DRC9: variants seen among roughly 807,000 people sequenced by gnomAD.
DRC9 encodes dynein regulatory complex protein 9.
At chr3:197,950,403 C>A in the DRC9 span, 1 of 1,077,132 alleles carries the variant, frequency 9.3e-7, no homozygotes, top group Non-Finnish European at 1.2e-6. Flanking sequence ...TCCCCTGACA[C>A]CCGGAGAACG....
chr3:197,900,438 G>A, the DRC9 span, among the ~76,000 whole-genome samples: 15 of 152,030 alleles, frequency 9.9e-5, no homozygotes, highest in African/African-American at 3.6e-4. The surrounding 1 kb of genome is among the most constrained non-coding windows in gnomAD (Gnocchi z 4.7). Context: ...CAGCAGAATA[G>A]AGCACTGGGC....
chr3:197,934,737 G>A, the DRC9 span, among the ~76,000 whole-genome samples: 1 of 151,782 alleles, frequency 6.6e-6, no homozygotes, highest in Non-Finnish European at 1.5e-5. Context: ...AGGGGCCGAG[G>A]CAGGAGGATC....
At chr3:197,944,254 C>CTT in the DRC9 span, among the ~76,000 whole-genome samples, 29,352 of 143,918 alleles carry the variant, frequency 0.2, 4,081 homozygotes, top group African/African-American at 0.41. Context: ...ACAACTTACT[C>CTT]TTTTTTTTTT....
the DRC9 span, among the ~76,000 whole-genome samples, chr3:197,939,576 G>A: frequency 5.9e-5 from 9 of 152,200 alleles, no homozygotes; most frequent in South Asian, 2.1e-4. Context: ...CTACACATAC[G>A]GATTCTGAAG....
chr3:197,959,550 A>C, the DRC9 span: 3 of 152,144 alleles, frequency 2.0e-5, no homozygotes, highest in Non-Finnish European at 4.4e-5. Context: ...CCGTTGAATG[A>C]CTTCCAGCTC....
the DRC9 span, chr3:197,913,910 TTC>T: frequency 6.2e-7 from 1 of 1,614,182 alleles, no homozygotes; most frequent in South Asian, 1.1e-5. Context: ...AGTTCCTCTG[TTC>T]TGTTACACTT....
At chr3:197,937,442 G>A in the DRC9 span, among the ~76,000 whole-genome samples, 4,762 of 151,792 alleles carry the variant, frequency 0.031, 272 homozygotes, top group African/African-American at 0.11. Context: ...AGGTTGCAAG[G>A]TTGCTATCAC....
the DRC9 span, among the ~76,000 whole-genome samples, chr3:197,926,839 G>A: frequency 2.0e-5 from 3 of 152,120 alleles, no homozygotes; most frequent in African/African-American, 7.2e-5. Flanking sequence ...CCTTGCACTG[G>A]TTCTGAAGGT....
At chr3:197,960,162 C>G in the DRC9 span, 2 of 1,440,766 alleles carry the variant, frequency 1.4e-6, no homozygotes, top group Non-Finnish European at 1.9e-6. Flanking sequence ...GCTGGGCCCT[C>G]CGTCTACCCC....
At chr3:197,948,553 ACTCACACT>A in the DRC9 span, among the ~76,000 whole-genome samples, 2 of 152,182 alleles carry the variant, frequency 1.3e-5, no homozygotes, top group Non-Finnish European at 2.9e-5. Flanking sequence ...AACGAATGAA[ACTCACACT>A]TAATGTGTTA....
At chr3:197,958,056 T>G in the DRC9 span, 2 of 152,220 alleles carry the variant, frequency 1.3e-5, no homozygotes, top group East Asian at 3.8e-4. Context: ...ACTGAAGAAC[T>G]TGATTCACAG....
chr3:197,928,630 G>C, the DRC9 span, among the ~76,000 whole-genome samples: 1 of 152,082 alleles, frequency 6.6e-6, no homozygotes, highest in African/African-American at 2.4e-5. Flanking sequence ...GATTACAGGC[G>C]TGAGCCACCA....
At chr3:197,944,475 G>A in the DRC9 span, among the ~76,000 whole-genome samples, 4 of 149,108 alleles carry the variant, frequency 2.7e-5, no homozygotes, top group African/African-American at 7.5e-5. Context: ...TTGAGACAGA[G>A]TCTCACTATG....
the DRC9 span, among the ~76,000 whole-genome samples, chr3:197,941,866 A>G: frequency 5.3e-5 from 8 of 152,098 alleles, no homozygotes; most frequent in African/African-American, 1.9e-4. Context: ...GAGATAATAA[A>G]TAGGAAGAAT....
chr3:197,947,203 C>A, the DRC9 span, among the ~76,000 whole-genome samples: 7 of 152,172 alleles, frequency 4.6e-5, no homozygotes, highest in African/African-American at 1.4e-4. Context: ...TTGAACTACT[C>A]CAACAACCTC....
the DRC9 span, among the ~76,000 whole-genome samples, chr3:197,904,003 CAT>C: frequency 7.3e-6 from 1 of 136,340 alleles, no homozygotes. Context: ...TATATATATA[CAT>C]ACATATATAT....
chr3:197,945,586 A>C, the DRC9 span: 42 of 1,444,668 alleles, frequency 2.9e-5, no homozygotes, highest in Non-Finnish European at 4.0e-5. Context: ...ATTTAAATAC[A>C]TGTATACAAA....
the DRC9 span, among the ~76,000 whole-genome samples, chr3:197,895,806 C>T: frequency 2.0e-5 from 3 of 151,082 alleles, no homozygotes; most frequent in Admixed American, 6.6e-5. Flanking sequence ...AAAACCCCAT[C>T]GCTACAAAAC....
At chr3:197,906,370 A>T in the DRC9 span, 324 of 152,306 alleles carry the variant, frequency 2.1e-3, no homozygotes, top group African/African-American at 7.5e-3. Flanking sequence ...CAACTCTCTC[A>T]ATGTATTCTA....
Sources: allele counts gnomAD v4.1 joint callset (sites outside exome capture counted in the v4.1 genomes callset), GRCh38; gene constraint gnomAD v4.1.1; non-coding constraint Gnocchi (gnomAD v3.1); transcripts MANE v1.5; gene names NCBI Gene and HGNC (gene_info 2026-07-23, HGNC 2026-07-21).